TNNT3: variants seen among roughly 807,000 people sequenced by gnomAD.
The protein encoded by TNNT3 is troponin T, fast skeletal muscle.
Under a neutral mutation model 54.2 loss-of-function variants are expected in TNNT3, and 36 were observed. The observed-to-expected ratio is 0.66, with a 90% CI of 0.51 to 0.88. The LOEUF (loss-of-function observed/expected upper bound fraction) is 0.88. Ranked by LOEUF, TNNT3 falls within the 40% of genes least tolerant of loss-of-function variation. The pLI, the probability that TNNT3 is intolerant of heterozygous loss-of-function variation, is 0.00. For missense variants in TNNT3, 291 were observed against 331.6 expected (o/e 0.88, Z 0.95); for synonymous variants, 120 against 109.7 (o/e 1.09, Z -0.59).
intron 12 of TNNT3, 40 bp from the exon 13 acceptor site, chr11:1,934,506 C>T: frequency 6.2e-7 from 1 of 1,607,546 alleles, no homozygotes; most frequent in Non-Finnish European, 8.5e-7. Flanking sequence ...CCTGTGCCCT[C>T]CTGAGACCAG....
chr11:1,936,342 C>A, intron 14 of TNNT3: 1 of 1,463,430 alleles, frequency 6.8e-7, no homozygotes, highest in Non-Finnish European at 9.5e-7. Flanking sequence ...ACCTGGATCG[C>A]TCAGGATGCT....
Position 1,934,326 on chromosome 11 carries a change from C to A in TNNT3, c.367-6C>A, listed in dbSNP as rs766717417. 1 of 1,612,632 alleles carries A rather than the reference C, an allele frequency of 6.2e-7. No individual in the cohort carries two copies. Among genetic ancestry groups the A allele is most frequent in the African/African-American group, 1.3e-5 (1 of 75,022 alleles). On this transcript the variant is annotated splice_polypyrimidine_tract_variant and splice_region_variant and intron_variant, in intron 11 of 15. Coordinates refer to ENST00000278317, the MANE Select transcript of TNNT3 (RefSeq NM_006757.4). ...CCTGAGCATCTTGGGAATGGGGTCT[C>A]CACAGGAGGAAAAGGCCAGAAGGGA... is the stretch of plus-strand genomic sequence containing the variant.
At chr11:1,928,490 G>A (rs1852274873) in intron 6 of TNNT3, among the ~76,000 whole-genome samples, 2 of 152,184 alleles carry the variant, frequency 1.3e-5, no homozygotes, top group Admixed American at 1.3e-4. Flanking sequence ...GGGAGGTCAG[G>A]GATGAGTGCG....
chr11:1,928,066 C>G (rs1414947875), intron 6 of TNNT3: 1 of 152,932 alleles, frequency 6.5e-6, no homozygotes, highest in Admixed American at 6.5e-5. Flanking sequence ...GACTCAAGGA[C>G]CAGTGCACCC....
chr11:1,928,385 A>C (rs952080485), intron 6 of TNNT3, among the ~76,000 whole-genome samples: 1 of 152,172 alleles, frequency 6.6e-6, no homozygotes, highest in African/African-American at 2.4e-5. Context: ...CAGGCCAGGC[A>C]GACCCCAGAG....
At chr11:1,922,774 C>G in intron 1 of TNNT3, 83 bp from the exon 2 acceptor site, 1 of 1,404,958 alleles carries the variant, frequency 7.1e-7, no homozygotes, top group South Asian at 1.2e-5. Flanking sequence ...GCTCCAAGAC[C>G]CCATCCCCCA....
chr11:1,931,616 G>A (rs1309866789), intron 8 of TNNT3, among the ~76,000 whole-genome samples: 1 of 152,100 alleles, frequency 6.6e-6, no homozygotes, highest in African/African-American at 2.4e-5. Context: ...CCTGGTGGAG[G>A]AATCTCTGTG....
At chr11:1,935,121 G>T in intron 14 of TNNT3, 1 of 652,254 alleles carries the variant, frequency 1.5e-6, no homozygotes, top group East Asian at 2.8e-5. Context: ...CGTCCTCCTG[G>T]CTGGCCATGC....
At chr11:1,929,851 C>A in intron 8 of TNNT3, 23 bp downstream of exon 8, 1 of 1,510,284 alleles carries the variant, frequency 6.6e-7, no homozygotes, top group Non-Finnish European at 8.9e-7. Flanking sequence ...TCCTGGCAGG[C>A]CCGCTGCTGA....
chr11:1,923,657 T>A, intron 4 of TNNT3, 85 bp downstream of exon 4: 3 of 744,008 alleles, frequency 4.0e-6, no homozygotes, highest in Non-Finnish European at 6.4e-6. Context: ...CAGAACCCCC[T>A]CCCCAGGCTG....
intron 14 of TNNT3, 158 bp downstream of exon 14, chr11:1,935,077 G>A (rs1854575384): frequency 6.8e-6 from 5 of 739,020 alleles, no homozygotes; most frequent in Non-Finnish European, 9.5e-6. Context: ...CCCTGGCTGA[G>A]GCTGCTTTCC....
chr11:1,923,419 C>G, intron 3 of TNNT3, 136 bp from the exon 4 acceptor site: 1 of 974,040 alleles, frequency 1.0e-6, no homozygotes, highest in Non-Finnish European at 1.7e-6. Flanking sequence ...GCCCGAGGAC[C>G]CCTGATTCCA....
intron 9 of TNNT3, among the ~76,000 whole-genome samples, chr11:1,932,843 C>CCCAT (rs71025793): frequency 0.061 from 8,659 of 142,302 alleles, 392 homozygotes; most frequent in African/African-American, 0.11. Context: ...CACCCACCTA[C>CCCAT]CCATCCATCC....
In TNNT3 at chr11:1,923,544, T is replaced by A; in HGVS notation, c.32-11T>A. 1 of 1,613,846 alleles carries A rather than the reference T, an allele frequency of 6.2e-7. No homozygotes were observed. The highest frequency in any genetic ancestry group is 8.5e-7 in the Non-Finnish European group (1 of 1,179,940). On this transcript the variant is annotated splice_polypyrimidine_tract_variant and intron_variant, in intron 3 of 15. Coordinates refer to ENST00000278317, the MANE Select transcript of TNNT3 (RefSeq NM_006757.4). ...TAACGTGGTTCCCCTCTTTGTTCTG[T>A]CCCAATGCAGAGCAGTACGAAGAAG...
At chr11:1,925,361 G>T (rs763847223) in intron 5 of TNNT3, 24 of 1,481,754 alleles carry the variant, frequency 1.6e-5, no homozygotes, top group Admixed American at 2.0e-5. Flanking sequence ...AGGGGGAGAG[G>T]GTGGGGAAGC....
chr11:1,923,781 T>C (rs1480927779), intron 4 of TNNT3, among the ~76,000 whole-genome samples: 1 of 152,148 alleles, frequency 6.6e-6, no homozygotes, highest in Non-Finnish European at 1.5e-5. Context: ...TAATTAATGA[T>C]GGATGAGTCA....
chr11:1,926,661 C>T (rs2734505), intron 5 of TNNT3, 34 bp from the exon 6 acceptor site: 21 of 1,613,226 alleles, frequency 1.3e-5, no homozygotes, highest in African/African-American at 9.3e-5. Context: ...CTCTCTCTCC[C>T]GCCCTTTCTG....
intron 4 of TNNT3, 30 bp downstream of exon 4, chr11:1,923,602 C>G (rs373689006): frequency 1.0e-5 from 16 of 1,558,986 alleles, no homozygotes; most frequent in South Asian, 2.2e-5. Context: ...GAAGCCCCCC[C>G]AGCCCCTCCT....
At chr11:1,923,504 A>T (rs776532883) in intron 3 of TNNT3, 51 bp from the exon 4 acceptor site, 1 of 1,606,634 alleles carries the variant, frequency 6.2e-7, no homozygotes, top group Non-Finnish European at 8.5e-7. Context: ...TCCTCCCTTC[A>T]CGGGCTGCCC....
Sources: allele counts gnomAD v4.1 joint callset (sites outside exome capture counted in the v4.1 genomes callset), GRCh38; gene constraint gnomAD v4.1.1; transcripts MANE v1.5; gene names NCBI Gene and HGNC (gene_info 2026-07-23, HGNC 2026-07-21).